Variants in CLTRN observed in about 807,000 individuals in gnomAD.
The protein encoded by CLTRN is collectrin.
CLTRN carries 12 observed loss-of-function variants against 14.5 expected under a neutral mutation model. That is an observed-to-expected ratio of 0.83 (90% CI 0.53 to 1.34). The LOEUF (loss-of-function observed/expected upper bound fraction) is 1.34, where lower values mean the gene tolerates loss of function less well. CLTRN is among the 40% of genes most tolerant of loss of function. The pLI is 0.00. For synonymous variants in CLTRN, 58 were observed against 56.5 expected, an observed-to-expected ratio of 1.03 and a Z score of -0.12; for missense variants, 154 against 165.1, an observed-to-expected ratio of 0.93 and a Z score of 0.37.
At chrX:15,645,879 A>G (rs1273078273) in intron 3 of CLTRN, among the ~76,000 whole-genome samples, 2 of 113,072 alleles carry the variant, frequency 1.8e-5, no homozygotes, top group African/African-American at 6.4e-5. Context: ...AAAAAGCAAC[A>G]TTAACATCCA....
intron 4 of CLTRN, among the ~76,000 whole-genome samples, chrX:15,641,442 T>C (rs929606254): frequency 8.0e-5 from 9 of 112,247 alleles, no homozygotes; most frequent in South Asian, 3.7e-4. Context: ...GTATTTTTTG[T>C]CCAATATATC....
intron 3 of CLTRN, chrX:15,646,312 G>T (rs1028087849): frequency 2.6e-4 from 66 of 257,814 alleles, no homozygotes; most frequent in Non-Finnish European, 4.6e-4. Context: ...TGGTCACTGA[G>T]CCCGGACACT....
Position 15,628,457 on chromosome X carries a change from C to A in CLTRN, c.513-330G>T, listed in dbSNP as rs889533912. ...GCACATATATACACATAGACACTCA[C>A]ACACACAAATTGCATGAAGTAATGT... On this transcript the variant is annotated intron_variant, in intron 5 of 5. Transcript: ENST00000380342. 2.7e-5 allele frequency among the ~76,000 whole-genome samples: 3 copies of A among 111,997 alleles called. No individual in the cohort carries two copies. The Admixed American group carries it at 2.8e-4, about 11-fold the overall frequency.
chrX:15,668,753 T>C (rs553494711), upstream of CLTRN, among the ~76,000 whole-genome samples: 4 of 111,873 alleles, frequency 3.6e-5, no homozygotes, highest in Admixed American at 3.8e-4. Flanking sequence ...AGATGAAGAA[T>C]CTGGACCATG....
chrX:15,660,909 A>G (rs888582808), intron 2 of CLTRN, among the ~76,000 whole-genome samples: 1 of 112,362 alleles, frequency 8.9e-6, no homozygotes, highest in African/African-American at 3.2e-5. Flanking sequence ...TTTTAATGTC[A>G]ACTTTAGATC....
chrX:15,665,409 G>C (rs552298451), upstream of CLTRN, among the ~76,000 whole-genome samples: 1 of 112,021 alleles, frequency 8.9e-6, no homozygotes, highest in South Asian at 3.7e-4. Flanking sequence ...AAAATAATCT[G>C]TACACCAAAC....
Position 15,648,248 on chromosome X carries a change from A to G in CLTRN, c.204-3219T>C, listed in dbSNP as rs769766538. On this transcript the variant is annotated intron_variant, in intron 3 of 5. Transcript: ENST00000380342. ...AAAGTAAATATAGTATATGCTGTCGAGGGAATACTGTTCCACAGATTAAAG... is the reference window on the plus strand; with the variant it reads ...AAAGTAAATATAGTATATGCTGTCGGGGGAATACTGTTCCACAGATTAAAG... Among the ~76,000 whole-genome samples the G allele has an allele frequency of 2.7e-5, 3 of 112,231 alleles. No individual in the cohort carries two copies. In the East Asian group the frequency reaches 8.4e-4, roughly 31 times the overall value.
intron 2 of CLTRN, among the ~76,000 whole-genome samples, chrX:15,661,711 C>T (rs1929512107): frequency 8.9e-6 from 1 of 112,420 alleles, no homozygotes; most frequent in South Asian, 3.6e-4. Context: ...AAAAAGAAGG[C>T]ATATGAAAAA....
chrX:15,635,272 T>A (rs947304648), intron 5 of CLTRN, among the ~76,000 whole-genome samples: 1 of 111,696 alleles, frequency 9.0e-6, no homozygotes, highest in African/African-American at 3.3e-5. Context: ...TTATTCAGAA[T>A]TTTTCAGCCT....
intron 5 of CLTRN, among the ~76,000 whole-genome samples, chrX:15,632,439 G>T (rs1410353831): frequency 9.0e-6 from 1 of 111,421 alleles, no homozygotes; most frequent in Admixed American, 9.5e-5. Context: ...TTAGCCGGGC[G>T]TGGTGGCGCA....
chrX:15,653,222 G>T (rs1048568341), intron 3 of CLTRN, among the ~76,000 whole-genome samples: 2 of 111,443 alleles, frequency 1.8e-5, no homozygotes, highest in Middle Eastern at 4.2e-3. Flanking sequence ...GGTTTGGGTT[G>T]GGTGTTGAAG....
chrX:15,647,569 G>A (rs1382730485), intron 3 of CLTRN, among the ~76,000 whole-genome samples: 2 of 83,522 alleles, frequency 2.4e-5, no homozygotes, highest in Middle Eastern at 6.3e-3. Context: ...AGGGAGGAGC[G>A]GGAAGCTGTC....
At chrX:15,674,793 G>A (rs1325711696) in intron 1 of CLTRN, 1 of 113,117 alleles carries the variant, frequency 8.8e-6, no homozygotes, top group East Asian at 2.8e-4. Context: ...TGGCGGGAGA[G>A]GCGTGACCAG....
chrX:15,668,816 T>C (rs1197252591), upstream of CLTRN, among the ~76,000 whole-genome samples: 3 of 112,254 alleles, frequency 2.7e-5, no homozygotes, highest in African/African-American at 6.5e-5. Flanking sequence ...CATTATCATT[T>C]ATTTCAGGTT....
intron 3 of CLTRN, among the ~76,000 whole-genome samples, chrX:15,652,426 C>T (rs1412572479): frequency 9.5e-6 from 1 of 104,736 alleles, no homozygotes; most frequent in Non-Finnish European, 1.9e-5. Context: ...TATTGTTTCA[C>T]ACATATGTCA....
chrX:15,675,011 A>G (rs1569258223), exon 1 of CLTRN: 4 of 112,583 alleles, frequency 3.6e-5, no homozygotes, highest in Admixed American at 2.8e-4. Flanking sequence ...GCCTGTTCCG[A>G]GAGAATGGAA....
intron 4 of CLTRN, among the ~76,000 whole-genome samples, chrX:15,644,004 G>A (rs1325804324): frequency 1.8e-5 from 2 of 111,794 alleles, no homozygotes; most frequent in Non-Finnish European, 3.8e-5. Flanking sequence ...TTGAAGTTTT[G>A]ACACATACCA....
At position 15,656,475 on chromosome X, in the gene CLTRN, C is replaced by CG. The variant is rs199730628; in HGVS notation, c.203+2540dup. On this transcript the variant is annotated intron_variant, in intron 3 of 5. Coordinates refer to ENST00000380342, the MANE Select transcript of CLTRN (RefSeq NM_020665.6). ...ATATTAGTAGATAAACAATGGTGGG[C>CG]GGGGGGGAGACAATAAACAGCCAGT... Among the ~76,000 whole-genome samples the CG allele has an allele frequency of 1.2e-3, 132 of 110,605 alleles. 1 individual carries two copies. The Middle Eastern group carries it at 0.014, about 12-fold the overall frequency.
At chrX:15,659,128 T>TG (rs200705258) in intron 2 of CLTRN, 27 bp from the exon 3 acceptor site, 27,045 of 949,421 alleles carry the variant, frequency 0.028, 408 homozygotes, top group Non-Finnish European at 0.035. Flanking sequence ...ACAAAGTGTA[T>TG]GGGGGAAAAT....
Sources: gnomAD v4.1 joint callset for allele counts (sites outside exome capture counted in the v4.1 genomes callset) on GRCh38, gnomAD v4.1.1 for gene constraint, MANE v1.5 for transcripts, NCBI Gene and HGNC (gene_info 2026-07-23, HGNC 2026-07-21) for gene names.